The following VWA3A variants were observed in gnomAD, a reference collection of about 807,000 sequenced individuals.
VWA3A encodes the protein von Willebrand factor A domain containing 3A, also known as von Willebrand factor A domain-containing protein 3A.
Under a neutral mutation model 160.4 loss-of-function variants are expected in VWA3A, and 134 were observed. That is an observed-to-expected ratio of 0.84 (90% CI 0.73 to 0.96). VWA3A has a LOEUF of 0.96. Ranked by LOEUF, VWA3A falls within the 40% of genes least tolerant of loss-of-function variation. VWA3A has a pLI of 0.00. For missense variants in VWA3A, 1,310 were observed against 1,447.9 expected (o/e 0.90, Z 1.55); for synonymous variants, 476 against 543.4 (o/e 0.88, Z 1.72).
chr16:22,109,684 G>C, intron 7 of VWA3A, 104 bp downstream of exon 7: 1 of 947,920 alleles, frequency 1.1e-6, no homozygotes, highest in Non-Finnish European at 1.6e-6. Flanking sequence ...GCAAGATAGG[G>C]TGTCTTATAA....
chr16:22,131,066 G>A, intron 17 of VWA3A, 139 bp from the exon 18 acceptor site: 1 of 738,790 alleles, frequency 1.4e-6, no homozygotes, highest in East Asian at 2.7e-5. Flanking sequence ...CTCATGGCTG[G>A]CCCAGGCCAG....
chr16:22,144,298 A>T lies in VWA3A; in HGVS notation c.2644A>T (p.Met882Leu). 1 of 1,613,782 alleles carries T rather than the reference A, an allele frequency of 6.2e-7. No homozygotes were observed. Among genetic ancestry groups the T allele is most frequent in the South Asian group, 1.1e-5 (1 of 91,004 alleles). ...KKLKLEISRC[M>L]GPNCTHQKSG... is the part of the protein sequence containing the mutation. ...ATTGAAGCTGGAGATTTCCAGATGC[A>T]TGGGTCCCAACTGCACTCATCAAAA... Residue 882 changes from methionine (M) to leucine (L), a missense_variant, in exon 26 of 34, where the codon ATG becomes TTG. Coordinates refer to ENST00000389398, the MANE Select transcript of VWA3A (RefSeq NM_173615.5).
intron 20 of VWA3A, among the ~76,000 whole-genome samples, chr16:22,133,972 AT>A (rs972982819): frequency 6.6e-6 from 1 of 151,762 alleles, no homozygotes; most frequent in East Asian, 1.9e-4. Context: ...AAAAAGCAAC[AT>A]TTTTTTTAGA....
chr16:22,114,143 G>A lies in VWA3A; in HGVS notation c.690-1204G>A, dbSNP rs371872046. Among the ~76,000 whole-genome samples, 132 of 152,214 alleles carry A rather than the reference G, an allele frequency of 8.7e-4. 1 individual carries two copies. In the South Asian group the frequency reaches 0.026, roughly 30 times the overall value. ...GGTGCTAGACCTGGGACTTATTCTC[G>A]CTGTTCAAAAGGGAGACTTGACAGT... is the stretch of plus-strand genomic sequence containing the variant. On this transcript the variant is annotated intron_variant, in intron 8 of 33. Coordinates refer to ENST00000389398, the MANE Select transcript of VWA3A (RefSeq NM_173615.5).
chr16:22,105,531 G>T (rs1598049547), intron 6 of VWA3A, among the ~76,000 whole-genome samples: 1 of 152,308 alleles, frequency 6.6e-6, no homozygotes, highest in East Asian at 1.9e-4. Flanking sequence ...GCCAAATCTG[G>T]CCCACAGCCA....
Position 22,156,567 on chromosome 16 carries a change from G to T in VWA3A, c.*550G>T, listed in dbSNP as rs1305847428. 2 of 152,370 alleles carry T rather than the reference G, an allele frequency of 1.3e-5. No individual in the cohort carries two copies. The highest frequency in any genetic ancestry group is 4.8e-5 in the African/African-American group (2 of 41,454). 9.4% of individuals were successfully genotyped at this position (152,370 alleles called of 1,614,324 possible). A position where few individuals can be genotyped will look rare whatever the true frequency, so the allele number is the denominator to read the frequency against. On this transcript the variant is annotated 3_prime_UTR_variant, in exon 34 of 34. Coordinates refer to ENST00000389398, the MANE Select transcript of VWA3A (RefSeq NM_173615.5). ...GGATGAGACTGGTGTCCCAGGATCT[G>T]CAGGTCCCCAGAAGCTGCCACATAG...
At position 22,126,356 on chromosome 16, in the gene VWA3A, T is replaced by C. The variant is rs1469411600; in HGVS notation, c.1652+59T>C. ...GGTCGTGTGTGTTTGGATGCCGTCA[T>C]TGGGCTGAGGCTTTGGACGTTGCTG... On this transcript the variant is annotated intron_variant, in intron 17 of 33. Transcript: ENST00000389398. The C allele has an allele frequency of 1.9e-5, 30 of 1,581,562 alleles. 1 individual carries two copies. The East Asian group carries it at 3.6e-4, about 19-fold the overall frequency.
At chr16:22,120,660 G>A (rs1217751475) in intron 12 of VWA3A, among the ~76,000 whole-genome samples, 1 of 152,170 alleles carries the variant, frequency 6.6e-6, no homozygotes, top group Non-Finnish European at 1.5e-5. Context: ...TTTGCTGCAG[G>A]AGTTTTTAGG....
intron 16 of VWA3A, among the ~76,000 whole-genome samples, chr16:22,123,966 A>C (rs544789065): frequency 6.6e-6 from 1 of 152,080 alleles, no homozygotes; most frequent in East Asian, 1.9e-4. Flanking sequence ...CTTGAGGCCA[A>C]AAGTTTGAGA....
chr16:22,112,577 A>G, intron 8 of VWA3A, among the ~76,000 whole-genome samples: 1 of 152,046 alleles, frequency 6.6e-6, no homozygotes, highest in East Asian at 1.9e-4. Context: ...AAATTAGCCC[A>G]GTGTGATGGC....
chr16:22,140,891 C>A (rs894356333), intron 23 of VWA3A, among the ~76,000 whole-genome samples: 1 of 151,552 alleles, frequency 6.6e-6, no homozygotes, highest in East Asian at 1.9e-4. Context: ...AGATTACAGG[C>A]GTGAGCCACC....
chr16:22,112,796 G>A (rs1016489862), intron 8 of VWA3A, among the ~76,000 whole-genome samples: 4 of 152,204 alleles, frequency 2.6e-5, no homozygotes, highest in South Asian at 2.1e-4. Flanking sequence ...AGCACTAGCT[G>A]TAAAGAGGGG....
chr16:22,132,980 G>A lies in VWA3A; in HGVS notation c.1953G>A (p.Glu651=). 6.2e-7 allele frequency: 1 copy of A among 1,613,958 alleles called. No individual in the cohort carries two copies. The highest frequency in any genetic ancestry group is 8.5e-7 in the Non-Finnish European group (1 of 1,179,904). The change falls in exon 20 of 34, where the codon GAG becomes GAA. Residue 651 remains glutamate, a synonymous_variant. Transcript: ENST00000389398. ...QLNVCLFYVG[E]PKMDTTPPAR... ...ACGTGTGTCTCTTCTACGTGGGCGA[G>A]CCAAAGATGGACACCACACCCCCTG...
intron 20 of VWA3A, among the ~76,000 whole-genome samples, chr16:22,134,111 C>A (rs1418028066): frequency 6.6e-6 from 1 of 152,018 alleles, no homozygotes; most frequent in African/African-American, 2.4e-5. Context: ...CTACAGGTGT[C>A]CACCACCACG....
At position 22,126,300 on chromosome 16, in the gene VWA3A, A is replaced by G. The variant is rs1283368580; in HGVS notation, c.1652+3A>G. On this transcript the variant is annotated splice_donor_region_variant and intron_variant, in intron 17 of 33. Transcript: ENST00000389398. ...AAGGACTGTTTCAACCTCATCGCGTATGTGTCTCCTGGCTCCTGGGGGCAA... is the reference window on the plus strand; with the variant it reads ...AAGGACTGTTTCAACCTCATCGCGTGTGTGTCTCCTGGCTCCTGGGGGCAA... 1 of 1,610,786 alleles carries G rather than the reference A, an allele frequency of 6.2e-7. No individual in the cohort carries two copies. The highest frequency in any genetic ancestry group is 8.5e-7 in the Non-Finnish European group (1 of 1,177,640).
In VWA3A at chr16:22,117,135, G is replaced by T; in HGVS notation, c.949G>T (p.Ala317Ser). Residue 317 changes from alanine (A) to serine (S), a missense_variant, in exon 11 of 34, where the codon GCT becomes TCT. Transcript: ENST00000389398. ...PPAVLKNLAE[A>S]VRGYYHCYSP... ...GGCTGTCCTGAAGAACCTTGCAGAA[G>T]CTGTTAGGGGCTACTACCACTGCTA... 5.0e-6 allele frequency: 8 copies of T among 1,584,370 alleles called. No individual in the cohort carries two copies. The highest frequency in any genetic ancestry group is 6.9e-6 in the Non-Finnish European group (8 of 1,165,104).
chr16:22,114,255 T>A (rs1286901973), intron 8 of VWA3A, among the ~76,000 whole-genome samples: 1 of 152,218 alleles, frequency 6.6e-6, no homozygotes, highest in East Asian at 1.9e-4. Flanking sequence ...AGAACAGACC[T>A]CTTTCACTAG....
At chr16:22,106,165 A>T (rs1033824545) in intron 6 of VWA3A, among the ~76,000 whole-genome samples, 1 of 152,094 alleles carries the variant, frequency 6.6e-6, no homozygotes, top group Admixed American at 6.6e-5. Context: ...CAGATGGATC[A>T]CTTGAGGTCA....
intron 6 of VWA3A, among the ~76,000 whole-genome samples, chr16:22,108,461 T>C (rs2045510911): frequency 6.6e-6 from 1 of 152,150 alleles, no homozygotes; most frequent in Non-Finnish European, 1.5e-5. Flanking sequence ...TATGGGCTGG[T>C]AGGTCAGTAG....
Sources: gnomAD v4.1 joint callset for allele counts (sites outside exome capture counted in the v4.1 genomes callset) on GRCh38, gnomAD v4.1.1 for gene constraint, MANE v1.5 for transcripts, NCBI Gene and HGNC (gene_info 2026-07-23, HGNC 2026-07-21) for gene names.